Variants in TTC29 observed in about 807,000 individuals in gnomAD.
TTC29 encodes the protein tetratricopeptide repeat domain 29.
Under a neutral mutation model 58.1 loss-of-function variants are expected in TTC29, and 49 were observed. The observed-to-expected ratio is 0.84, with a 90% CI of 0.67 to 1.07. The LOEUF (loss-of-function observed/expected upper bound fraction) is 1.07. TTC29 is among the 50% of genes least tolerant of loss of function. TTC29 has a pLI of 0.00. For synonymous variants in TTC29, 209 were observed against 196.8 expected, an observed-to-expected ratio of 1.06 and a Z score of -0.52; for missense variants, 582 against 555.6, an observed-to-expected ratio of 1.05 and a Z score of -0.48.
At chr4:146,907,658 C>T (rs868293675) in intron 5 of TTC29, among the ~76,000 whole-genome samples, 3 of 152,048 alleles carry the variant, frequency 2.0e-5, no homozygotes, top group African/African-American at 4.8e-5. Flanking sequence ...CCATCATGCC[C>T]GGCTAATTTT....
rs142567950 is a variant in TTC29 at position 146,854,900 on chromosome 4, C to A, written c.885+12598G>T. On this transcript the variant is annotated intron_variant, in intron 8 of 12. Transcript: ENST00000325106. ...TGTTACACACATCTATATAATCAACCCTTGATTGTTCAGGTGCCAAATGCC... is the reference window on the plus strand; with the variant it reads ...TGTTACACACATCTATATAATCAACACTTGATTGTTCAGGTGCCAAATGCC... Among the ~76,000 whole-genome samples the A allele has an allele frequency of 6.8e-3, 1,029 of 152,264 alleles. 10 individuals carry two copies. Among genetic ancestry groups the A allele is most frequent in the South Asian group, 0.054 (259 of 4,814 alleles).
At chr4:146,930,105 A>ATATG in intron 4 of TTC29, among the ~76,000 whole-genome samples, 1 of 132,782 alleles carries the variant, frequency 7.5e-6, no homozygotes, top group African/African-American at 3.0e-5. Flanking sequence ...ATATATATAT[A>ATATG]TATATATATA....
chr4:146,742,110 A>G (rs1745197633), intron 11 of TTC29, among the ~76,000 whole-genome samples: 1 of 152,212 alleles, frequency 6.6e-6, no homozygotes, highest in Non-Finnish European at 1.5e-5. Context: ...ATGTGACCCC[A>G]GAGTTGGCAC....
At chr4:146,708,326 A>ATACATGTATGTGTGTGTG (rs1554002703) in intron 11 of TTC29, among the ~76,000 whole-genome samples, 1 of 39,326 alleles carries the variant, frequency 2.5e-5, no homozygotes, top group African/African-American at 5.7e-5. Context: ...ATATATATAT[A>ATACATGTATGTGTGTGTG]TATATATATA....
At chr4:146,852,659 A>T (rs1366303680) in intron 8 of TTC29, among the ~76,000 whole-genome samples, 4 of 152,226 alleles carry the variant, frequency 2.6e-5, no homozygotes, top group African/African-American at 9.6e-5. Context: ...CTATTGTAAG[A>T]ATGGCACTGG....
chr4:146,779,383 TA>T (rs1020531342), intron 11 of TTC29, among the ~76,000 whole-genome samples: 1 of 152,060 alleles, frequency 6.6e-6, no homozygotes, highest in African/African-American at 2.4e-5. Flanking sequence ...CATAAGTGCA[TA>T]AAAAATAGGA....
At chr4:146,934,944 TG>T (rs998048619) in intron 4 of TTC29, among the ~76,000 whole-genome samples, 3 of 151,990 alleles carry the variant, frequency 2.0e-5, no homozygotes, top group African/African-American at 7.3e-5. Flanking sequence ...AAATGAAATG[TG>T]AAAATATTAA....
intron 11 of TTC29, among the ~76,000 whole-genome samples, chr4:146,714,922 C>T (rs916856463): frequency 1.3e-5 from 2 of 152,150 alleles, no homozygotes; most frequent in East Asian, 3.9e-4. Flanking sequence ...CTTGACCTTA[C>T]AGGCTCAAGC....
intron 10 of TTC29, among the ~76,000 whole-genome samples, chr4:146,811,664 G>A (rs1751033777): frequency 6.6e-6 from 1 of 152,186 alleles, no homozygotes. Flanking sequence ...AACAACACAG[G>A]AACAGCTTTA....
chr4:146,900,200 C>T lies in TTC29; in HGVS notation c.586+3344G>A, dbSNP rs1208151994. On this transcript the variant is annotated intron_variant, in intron 6 of 12. Coordinates refer to ENST00000325106, the MANE Select transcript of TTC29 (RefSeq NM_031956.4). Reference sequence around the variant, plus strand: ...TCTCTAGAGTTTTCATCAACACTGACTTACTTGTTTTATCTGTCAGGCAAT... The same window carrying T: ...TCTCTAGAGTTTTCATCAACACTGATTTACTTGTTTTATCTGTCAGGCAAT... 2.6e-5 allele frequency among the ~76,000 whole-genome samples: 4 copies of T among 152,274 alleles called. No homozygotes were observed. The East Asian group carries it at 5.8e-4, about 22-fold the overall frequency.
chr4:146,766,500 A>G (rs1002133554), intron 11 of TTC29, among the ~76,000 whole-genome samples: 39 of 152,112 alleles, frequency 2.6e-4, no homozygotes, highest in African/African-American at 8.4e-4. Context: ...AGGGTTAAAT[A>G]TTTCTAAATA....
At chr4:146,831,295 C>A (rs1257411227) in intron 9 of TTC29, among the ~76,000 whole-genome samples, 4 of 152,100 alleles carry the variant, frequency 2.6e-5, no homozygotes, top group African/African-American at 4.8e-5. Flanking sequence ...GATAGGTTCT[C>A]ACTATGTGGC....
chr4:146,858,078 A>T (rs1729986267), intron 8 of TTC29, among the ~76,000 whole-genome samples: 2 of 152,226 alleles, frequency 1.3e-5, no homozygotes, highest in Admixed American at 1.3e-4. Flanking sequence ...TTATAGTTAC[A>T]TCAATCTGTA....
At chr4:146,864,515 C>A (rs573557415) in intron 8 of TTC29, among the ~76,000 whole-genome samples, 23 of 152,226 alleles carry the variant, frequency 1.5e-4, no homozygotes, top group African/African-American at 5.5e-4. Flanking sequence ...TTCTCTAAGG[C>A]TGACATAAAA....
At chr4:146,755,004 C>A (rs1457445238) in intron 11 of TTC29, among the ~76,000 whole-genome samples, 2 of 151,896 alleles carry the variant, frequency 1.3e-5, no homozygotes, top group Non-Finnish European at 2.9e-5. Context: ...GAAAAACCCA[C>A]AAAAGAATGG....
At chr4:146,792,359 G>A (rs538888732) in intron 11 of TTC29, among the ~76,000 whole-genome samples, 60 of 152,278 alleles carry the variant, frequency 3.9e-4, no homozygotes, top group Non-Finnish European at 7.6e-4. Flanking sequence ...CTCTATAAAT[G>A]GAACAACAAA....
intron 6 of TTC29, among the ~76,000 whole-genome samples, chr4:146,879,067 T>C (rs1479939147): frequency 6.6e-6 from 1 of 152,146 alleles, no homozygotes; most frequent in East Asian, 1.9e-4. Context: ...CCAGTCCTTC[T>C]CATATGTAGG....
intron 11 of TTC29, among the ~76,000 whole-genome samples, chr4:146,798,689 C>A (rs1270456024): frequency 3.3e-5 from 5 of 151,560 alleles, no homozygotes; most frequent in Non-Finnish European, 7.4e-5. Flanking sequence ...AGATTGAGAC[C>A]ATCCTGGGTA....
chr4:146,747,053 C>A (rs1321119719), intron 11 of TTC29, among the ~76,000 whole-genome samples: 2 of 152,144 alleles, frequency 1.3e-5, no homozygotes, highest in Non-Finnish European at 2.9e-5. Context: ...CCAGTAGAAA[C>A]TTCTCCCTAT....
Sources: gnomAD v4.1 joint callset for allele counts (sites outside exome capture counted in the v4.1 genomes callset) on GRCh38, gnomAD v4.1.1 for gene constraint, MANE v1.5 for transcripts, NCBI Gene and HGNC (gene_info 2026-07-23, HGNC 2026-07-21) for gene names.